UBXN11: variants seen among roughly 807,000 people sequenced by gnomAD.
UBXN11 encodes the protein UBX domain-containing protein 11.
A neutral mutation model predicts 62.8 loss-of-function variants in UBXN11; 47 were observed. The observed-to-expected ratio is 0.75, with a 90% CI of 0.59 to 0.95. The LOEUF (loss-of-function observed/expected upper bound fraction) is 0.95. UBXN11 is among the 40% of genes least tolerant of loss of function. UBXN11 has a pLI of 0.00. For synonymous variants in UBXN11, 294 were observed against 267.0 expected, an observed-to-expected ratio of 1.10 and a Z score of -0.99; for missense variants, 638 against 661.7, an observed-to-expected ratio of 0.96 and a Z score of 0.39.
chr1:26,282,394 C>CGGGACCGGGACT lies in UBXN11; in HGVS notation c.1467_1468insAGTCCCGGTCCC (p.Pro489_Gly490insSerProGlyPro), dbSNP rs1334338723. On this transcript the variant is annotated inframe_insertion, in exon 15 of 15. Transcript: ENST00000374222. ...CCGGGACCGGGACTGGGGCCGGGAC[C>CGGGACCGGGACT]GGGACCGGGACAGGGACCAGGACTG... 36 of 473,576 alleles carry CGGGACCGGGACT rather than the reference C, an allele frequency of 7.6e-5. No homozygotes were observed. The East Asian group carries it at 2.1e-3, about 27-fold the overall frequency. 29.3% of individuals were successfully genotyped at this position (473,576 alleles called of 1,614,324 possible).
chr1:26,289,751 T>C (rs911034403), intron 8 of UBXN11, among the ~76,000 whole-genome samples: 1 of 152,166 alleles, frequency 6.6e-6, no homozygotes, highest in Non-Finnish European at 1.5e-5. Flanking sequence ...GACCCTACCA[T>C]GCTCAGTGGA....
chr1:26,309,211 G>T (rs1324634727), upstream of UBXN11, among the ~76,000 whole-genome samples: 1 of 150,394 alleles, frequency 6.6e-6, no homozygotes, highest in Non-Finnish European at 1.5e-5. Flanking sequence ...GGGATTACAG[G>T]CGTGAGCCAC....
chr1:26,290,220 G>A (rs2073227684), intron 8 of UBXN11, among the ~76,000 whole-genome samples: 1 of 152,208 alleles, frequency 6.6e-6, no homozygotes, highest in African/African-American at 2.4e-5. Context: ...CCAAGCACTG[G>A]GACATGCATG....
Position 26,291,381 on chromosome 1 carries a change from C to T in UBXN11, c.559+2824G>A, listed in dbSNP as rs143508773. 2.6e-5 allele frequency among the ~76,000 whole-genome samples: 4 copies of T among 152,306 alleles called. No homozygotes were observed. In the South Asian group the frequency reaches 8.3e-4, roughly 32 times the overall value. Reference sequence around the variant, plus strand: ...GCCGAATCAAGGCCCCCCGCCCATGCTGAAAAAATCAAAGAACAAAAGAAG... The same window carrying T: ...GCCGAATCAAGGCCCCCCGCCCATGTTGAAAAAATCAAAGAACAAAAGAAG... On this transcript the variant is annotated intron_variant, in intron 8 of 14. Coordinates refer to ENST00000374222, the MANE Select transcript of UBXN11 (RefSeq NM_001389556.1).
rs963989081 is a variant in UBXN11 at position 26,292,456 on chromosome 1, C to A, written c.559+1749G>T. On this transcript the variant is annotated intron_variant, in intron 8 of 14. Coordinates refer to ENST00000374222, the MANE Select transcript of UBXN11 (RefSeq NM_001389556.1). Reference sequence around the variant, plus strand: ...ATCACTTCAGCCCAGGAGGTTGAGGCTGCAGTGAGCCATGACTGTGCCACT... The same window carrying A: ...ATCACTTCAGCCCAGGAGGTTGAGGATGCAGTGAGCCATGACTGTGCCACT... Among the ~76,000 whole-genome samples, 6 of 152,200 alleles carry A rather than the reference C, an allele frequency of 3.9e-5. No individual in the cohort carries two copies. In the East Asian group the frequency reaches 1.2e-3, roughly 29 times the overall value.
At chr1:26,303,630 CAAAAAAAAA>C (rs5773154) in intron 1 of UBXN11, among the ~76,000 whole-genome samples, 2 of 80,066 alleles carry the variant, frequency 2.5e-5, no homozygotes, top group Admixed American at 1.5e-4. Context: ...AACTCCATCT[CAAAAAAAAA>C]AAAAAAAAAA....
rs2073029821 is a variant in UBXN11, at chr1:26,282,763, G to A, written c.1178C>T (p.Ala393Val). The A allele has an allele frequency of 6.2e-7, 1 of 1,614,042 alleles. No homozygotes were observed. Among genetic ancestry groups the A allele is most frequent in the African/African-American group, 1.3e-5 (1 of 74,928 alleles). ...GATGCGCAGCATGGAGAGCGGGGGT[G>A]CCGGCGTGTTGGGTGACTCCTGGCT... ...ERSQESPNTP[A>V]PPLSMLRIKS... is the part of the protein sequence containing the mutation. Residue 393 changes from alanine (A) to valine (V), a missense_variant, in exon 14 of 15, where the codon GCA (alanine) becomes GTA (valine). Coordinates refer to ENST00000374222, the MANE Select transcript of UBXN11 (RefSeq NM_001389556.1).
chr1:26,298,130 G>A (rs1181588479), intron 4 of UBXN11, 68 bp from the exon 5 acceptor site: 5 of 1,502,762 alleles, frequency 3.3e-6, no homozygotes, highest in Admixed American at 1.9e-5. Context: ...GGGGAGGGAG[G>A]AGGATAGGGG....
chr1:26,302,362 TAAAAAAAAAAAAAAAAAA>T (rs56003085), intron 2 of UBXN11, among the ~76,000 whole-genome samples: 1 of 69,562 alleles, frequency 1.4e-5, no homozygotes, highest in South Asian at 6.0e-4. Flanking sequence ...ACTTGGTCTT[TAAAAAAAAAAAAAAAAAA>T]AAAAAAAAAA....
At chr1:26,308,065 G>A (rs1304640017), upstream of UBXN11, among the ~76,000 whole-genome samples, 3 of 152,032 alleles carry the variant, frequency 2.0e-5, no homozygotes, top group South Asian at 2.1e-4. Flanking sequence ...TCGGGAGTTC[G>A]AGACCAGCCT....
chr1:26,282,387 C>A lies in UBXN11; in HGVS notation c.1475G>T (p.Gly492Val), dbSNP rs778183787. The A allele has an allele frequency of 2.2e-5, 9 of 404,118 alleles. 1 individual carries two copies. Among genetic ancestry groups the A allele is most frequent in the Non-Finnish European group, 3.0e-5 (9 of 296,006 alleles). 25.0% of individuals were successfully genotyped at this position (404,118 alleles called of 1,614,324 possible). A position where few individuals can be genotyped will look rare whatever the true frequency, so the allele number is the denominator to read the frequency against. Residue 492 changes from glycine to valine, a missense_variant, in exon 15 of 15, where the codon GGC (glycine) becomes GTC (valine). Gly to Val is a moderately radical substitution (Grantham distance 109, BLOSUM62 -3). Transcript: ENST00000374222. Reference protein sequence around the residue: ...SPGPCPGPGPGPSPGPGPGPS... With the variant: ...SPGPCPGPGPVPSPGPGPGPS... ...GCCGGGACCGGGACCGGGACTGGGGCCGGGACCGGGACCGGGACAGGGACC... is the reference window on the plus strand; with the variant it reads ...GCCGGGACCGGGACCGGGACTGGGGACGGGACCGGGACCGGGACAGGGACC...
At chr1:26,302,745 C>G in intron 2 of UBXN11, 68 bp downstream of exon 2, 1 of 1,537,804 alleles carries the variant, frequency 6.5e-7, no homozygotes, top group South Asian at 1.2e-5. Flanking sequence ...TCACTGTCCT[C>G]TGGCCATGGA....
At chr1:26,314,478 T>C (rs1334778718) in intron 1 of UBXN11, among the ~76,000 whole-genome samples, 1 of 152,248 alleles carries the variant, frequency 6.6e-6, no homozygotes, top group African/African-American at 2.4e-5. Context: ...AGCAGCTCCA[T>C]ATAAAGGGCT....
chr1:26,306,203 C>T (rs981029858), intron 1 of UBXN11: 1 of 152,366 alleles, frequency 6.6e-6, no homozygotes, highest in East Asian at 1.9e-4. Context: ...GAGTTGTCAC[C>T]CACTTCAGAC....
chr1:26,301,689 C>G lies in UBXN11; in HGVS notation c.100+5G>C, dbSNP rs202237134. The G allele has an allele frequency of 2.5e-6, 4 of 1,613,906 alleles. No individual in the cohort carries two copies. The highest frequency in any genetic ancestry group is 3.4e-6 in the Non-Finnish European group (4 of 1,179,906). On this transcript the variant is annotated splice_donor_5th_base_variant and intron_variant, in intron 3 of 14. Transcript: ENST00000374222. ...GAAGAGGGCACGAGGGCGGGGCACA[C>G]TTACCATCTCCATAGATGCGGATTC... is the stretch of plus-strand genomic sequence containing the variant.
At chr1:26,287,405 C>G (rs1164276376) in intron 8 of UBXN11, among the ~76,000 whole-genome samples, 1 of 152,126 alleles carries the variant, frequency 6.6e-6, no homozygotes, top group Non-Finnish European at 1.5e-5. Flanking sequence ...AGGTGGAGGG[C>G]AGGTAGATGC....
At chr1:26,297,325 G>T in intron 6 of UBXN11, 102 bp downstream of exon 6, 1 of 1,344,428 alleles carries the variant, frequency 7.4e-7, no homozygotes, top group Non-Finnish European at 9.9e-7. Context: ...TAGTCAGCTT[G>T]ATGCTCTTGA....
chr1:26,297,903 C>A, intron 5 of UBXN11, 59 bp downstream of exon 5: 1 of 1,569,602 alleles, frequency 6.4e-7, no homozygotes, highest in East Asian at 2.3e-5. Flanking sequence ...CTGGCCTCCC[C>A]AGCCCAGTCC....
At chr1:26,306,485 G>C (rs1230998913) in intron 1 of UBXN11, 107 bp downstream of exon 1, 1 of 152,214 alleles carries the variant, frequency 6.6e-6, no homozygotes, top group Non-Finnish European at 1.5e-5. Flanking sequence ...TGGTAAGCAG[G>C]GTCTTGAACC....
Sources: allele counts gnomAD v4.1 joint callset (sites outside exome capture counted in the v4.1 genomes callset), GRCh38; gene constraint gnomAD v4.1.1; transcripts MANE v1.5; gene names NCBI Gene and HGNC (gene_info 2026-07-23, HGNC 2026-07-21).